Variants in OSCP1 observed in about 807,000 individuals in gnomAD.
The protein encoded by OSCP1 is protein OSCP1.
A neutral mutation model predicts 45.1 loss-of-function variants in OSCP1; 35 were observed. That is an observed-to-expected ratio of 0.78 (90% CI 0.59 to 1.03). The LOEUF is 1.03. Ranked by LOEUF, OSCP1 falls within the 50% of genes least tolerant of loss-of-function variation. The pLI is 0.00. For synonymous variants in OSCP1, 179 were observed against 180.1 expected, an observed-to-expected ratio of 0.99 and a Z score of 0.05; for missense variants, 400 against 470.7, an observed-to-expected ratio of 0.85 and a Z score of 1.39.
intron 4 of OSCP1, among the ~76,000 whole-genome samples, chr1:36,427,433 G>A (rs1176054940): frequency 6.6e-6 from 1 of 151,398 alleles, no homozygotes; most frequent in East Asian, 2.0e-4. Flanking sequence ...AAAGTGCTTG[G>A]ATTACAGGTA....
intron 1 of OSCP1, chr1:36,444,028 A>G (rs1213735566): frequency 6.2e-7 from 1 of 1,613,396 alleles, no homozygotes; most frequent in Non-Finnish European, 8.5e-7. Flanking sequence ...ACCTCTGTCC[A>G]TTCATCTACA....
chr1:36,440,572 T>C (rs1242230232), intron 1 of OSCP1, among the ~76,000 whole-genome samples: 2 of 152,212 alleles, frequency 1.3e-5, no homozygotes, highest in East Asian at 1.9e-4. Flanking sequence ...CAGCTTGCCC[T>C]TGATGTGCCC....
At chr1:36,442,116 A>T (rs1239924989) in intron 1 of OSCP1, among the ~76,000 whole-genome samples, 1 of 151,618 alleles carries the variant, frequency 6.6e-6, no homozygotes, top group Non-Finnish European at 1.5e-5. Context: ...AATCTCAGCT[A>T]CTCAGGAGGC....
At chr1:36,428,292 C>T (rs1441602868) in intron 4 of OSCP1, 1 of 1,562,350 alleles carries the variant, frequency 6.4e-7, no homozygotes. Context: ...GCACTAAATA[C>T]ATTGCATTTC....
At chr1:36,428,685 C>T (rs1214837563) in intron 4 of OSCP1, among the ~76,000 whole-genome samples, 1 of 152,138 alleles carries the variant, frequency 6.6e-6, no homozygotes, top group African/African-American at 2.4e-5. Context: ...TGGCTCATGC[C>T]TGTAATCCCA....
chr1:36,429,222 CA>C (rs887944432), intron 4 of OSCP1, among the ~76,000 whole-genome samples: 14 of 151,796 alleles, frequency 9.2e-5, no homozygotes, highest in African/African-American at 3.4e-4. Context: ...TCTGTCTCTA[CA>C]AAAAATACAA....
chr1:36,420,251 C>T (rs1180530930), intron 8 of OSCP1: 27 of 467,422 alleles, frequency 5.8e-5, no homozygotes, highest in South Asian at 4.1e-4. Context: ...GCTGGGACTA[C>T]GGGCGTGAGC....
At chr1:36,420,142 A>ATTTTTTTT (rs879625733) in intron 8 of OSCP1, among the ~76,000 whole-genome samples, 2,539 of 138,210 alleles carry the variant, frequency 0.018, 77 homozygotes, top group African/African-American at 0.067. Context: ...CACCCAGCTA[A>ATTTTTTTT]TTTTTTTTTT....
Position 36,447,387 on chromosome 1 carries a change from C to G in OSCP1, c.112+2871G>C, listed in dbSNP as rs1201081474. Among the ~76,000 whole-genome samples, 3 of 152,178 alleles carry G rather than the reference C, an allele frequency of 2.0e-5. No homozygotes were observed. Among genetic ancestry groups the G allele is most frequent in the Admixed American group, 2.0e-4 (3 of 15,280 alleles). ...TCAGACTCCTCCCTCTCCTCCTGAC[C>G]TACCAACCCCCACTAAGATTCTGAT... On this transcript the variant is annotated intron_variant, in intron 1 of 9. Coordinates refer to ENST00000235532, the MANE Select transcript of OSCP1 (RefSeq NM_145047.5). This position sits in a 1 kb window ranked among gnomAD's most constrained non-coding sequence, Gnocchi z 4.1.
At position 36,450,278 on chromosome 1, in the gene OSCP1, G is replaced by T. The variant is rs11547025; in HGVS notation, c.92C>A (p.Pro31Gln). ...LDQRLRAQNI[P>Q]GDKARKVLND... ...CTCACCTTTGCGGGCCTTGTCTCCC[G>T]GGATGTTCTGGGCCCGCAGCCGTTG... Residue 31 changes from proline (P) to glutamine (Q), a missense_variant, in exon 1 of 10, where the codon CCG (proline) becomes CAG (glutamine). Coordinates refer to ENST00000235532, the MANE Select transcript of OSCP1 (RefSeq NM_145047.5). 9.9e-6 allele frequency: 16 copies of T among 1,613,520 alleles called. No individual in the cohort carries two copies. Among genetic ancestry groups the T allele is most frequent in the Non-Finnish European group, 1.4e-5 (16 of 1,179,866 alleles).
chr1:36,439,064 G>A, intron 1 of OSCP1, 154 bp from the exon 2 acceptor site: 1 of 676,878 alleles, frequency 1.5e-6, no homozygotes, highest in Non-Finnish European at 2.3e-6. Context: ...GGACCACACA[G>A]GTGTCCCGGT....
rs780346891 is a variant in OSCP1, at chr1:36,436,104, AT to A, written c.267+2651del. Among the ~76,000 whole-genome samples the A allele has an allele frequency of 9.1e-3, 1,039 of 113,818 alleles. 10 individuals are homozygous for A. Among genetic ancestry groups the A allele is most frequent in the African/African-American group, 0.025 (771 of 30,736 alleles). 74.7% of individuals were successfully genotyped at this position (113,818 alleles called of 152,430 possible). ...AAAATTTTTCTTTCTCTCTCTCTCT[AT>A]TTTTTTTTTTTTTTTTGAGATGGAG... On this transcript the variant is annotated intron_variant, in intron 2 of 9. Coordinates refer to ENST00000235532, the MANE Select transcript of OSCP1 (RefSeq NM_145047.5).
rs558128409 is a variant in OSCP1 at position 36,436,270 on chromosome 1, A to AT, written c.267+2485dup. Among the ~76,000 whole-genome samples the AT allele has an allele frequency of 0.021, 2,924 of 142,468 alleles. 272 individuals are homozygous for AT. In the East Asian group the frequency reaches 0.3, roughly 14 times the overall value. The allele number at this position is 142,468 out of a possible 152,430, so 93.5% of individuals were successfully genotyped here. ...AGGCGCCCACCACCACACCGGGCTA[A>AT]TTTTTTTTTTTTTGTATTTTTAGTA... On this transcript the variant is annotated intron_variant, in intron 2 of 9. Transcript: ENST00000235532.
chr1:36,418,087 G>A lies in OSCP1; in HGVS notation c.*52C>T. 1 of 1,492,418 alleles carries A rather than the reference G, an allele frequency of 6.7e-7. No homozygotes were observed. The highest frequency in any genetic ancestry group is 1.1e-5 in the South Asian group (1 of 87,622). The allele number at this position is 1,492,418 out of a possible 1,614,324, so 92.4% of individuals were successfully genotyped here. ...CTGGGCCATGGGGCATTCCCCAGGG[G>A]TCACCATCCAGCAGCCTCTCCCTGG... is the stretch of plus-strand genomic sequence containing the variant. On this transcript the variant is annotated 3_prime_UTR_variant, in exon 10 of 10. Coordinates refer to ENST00000235532, the MANE Select transcript of OSCP1 (RefSeq NM_145047.5).
At chr1:36,422,678 A>G (rs1647725315) in intron 6 of OSCP1, 90 bp downstream of exon 6, 2 of 1,290,432 alleles carry the variant, frequency 1.5e-6, no homozygotes, top group Non-Finnish European at 1.0e-6. Context: ...AGGGATTTTC[A>G]TAGCAGAAGT....
intron 4 of OSCP1, among the ~76,000 whole-genome samples, chr1:36,430,512 A>G (rs1648291327): frequency 6.6e-6 from 1 of 152,038 alleles, no homozygotes; most frequent in Non-Finnish European, 1.5e-5. Context: ...GCTCACACCT[A>G]TAATCCTAGC....
At chr1:36,446,419 A>C (rs1323265462) in intron 1 of OSCP1, among the ~76,000 whole-genome samples, 1 of 152,212 alleles carries the variant, frequency 6.6e-6, no homozygotes, top group Non-Finnish European at 1.5e-5. Context: ...TTTGGGGAAT[A>C]GTGGTGCTGC....
rs2359018 is a variant in OSCP1 at position 36,430,135 on chromosome 1, T to C, written c.516+1667A>G. On this transcript the variant is annotated intron_variant, in intron 4 of 9. Coordinates refer to ENST00000235532, the MANE Select transcript of OSCP1 (RefSeq NM_145047.5). ...TTGGCTCTCTGCAGCCTTGACCTCC[T>C]GGGCTCAAGTGATCCTCCTACCTCA... is the stretch of plus-strand genomic sequence containing the variant. 0.019 allele frequency among the ~76,000 whole-genome samples: 2,942 copies of C among 152,084 alleles called. 284 individuals carry two copies. The East Asian group carries it at 0.29, about 15-fold the overall frequency.
Position 36,418,219 on chromosome 1 carries a change from C to G in OSCP1, c.1060G>C (p.Gly354Arg), listed in dbSNP as rs1647390458. The change falls in exon 10 of 10, where the codon GGG becomes CGG. Residue 354 changes from glycine (G) to arginine (R), a missense_variant. By Grantham distance (125) the Gly-to-Arg change is moderately radical (BLOSUM62 -2). Coordinates refer to ENST00000235532, the MANE Select transcript of OSCP1 (RefSeq NM_145047.5). ...GGCTGCTCCGTGATCTCAAACTCCC[C>G]CATGATTCGAGCCAGCTCCTCGCTC... ...QRSEELARIM[G>R]EFEITEQPRL... 6.2e-7 allele frequency: 1 copy of G among 1,614,074 alleles called. No individual in the cohort carries two copies. The highest frequency in any genetic ancestry group is 8.5e-7 in the Non-Finnish European group (1 of 1,180,036).
Sources: allele counts gnomAD v4.1 joint callset (sites outside exome capture counted in the v4.1 genomes callset), GRCh38; gene constraint gnomAD v4.1.1; non-coding constraint Gnocchi (gnomAD v3.1); transcripts MANE v1.5; gene names NCBI Gene and HGNC (gene_info 2026-07-23, HGNC 2026-07-21).